DNAJA1: variants seen among roughly 807,000 people sequenced by gnomAD.
The protein encoded by DNAJA1 is DnaJ heat shock protein family (Hsp40) member A1, also known as dnaJ homolog subfamily A member 1.
Under a neutral mutation model 47.6 loss-of-function variants are expected in DNAJA1, and 26 were observed. The ratio of observed to expected loss-of-function variants is 0.55; its 90% CI spans 0.40 to 0.76. The LOEUF is 0.76. Ranked by LOEUF, DNAJA1 falls within the 30% of genes least tolerant of loss-of-function variation. DNAJA1 has a pLI of 0.00. For missense variants in DNAJA1, 315 were observed against 485.0 expected (o/e 0.65, Z 3.29); for synonymous variants, 165 against 158.4 (o/e 1.04, Z -0.31).
At chr9:33,037,427 A>C in intron 8 of DNAJA1, 1 of 191,622 alleles carries the variant, frequency 5.2e-6, no homozygotes, top group Non-Finnish European at 1.1e-5. Context: ...CACACCTATA[A>C]TCCCAGTGCT....
intron 4 of DNAJA1, 149 bp from the exon 5 acceptor site, chr9:33,030,291 T>C (rs1471643834): frequency 2.7e-6 from 2 of 735,294 alleles, no homozygotes; most frequent in Non-Finnish European, 4.4e-6. Context: ...CTCATTGGAA[T>C]GATCTCATCA....
At chr9:33,034,465 GT>G in intron 6 of DNAJA1, 135 bp downstream of exon 6, 1 of 678,650 alleles carries the variant, frequency 1.5e-6, no homozygotes, top group Non-Finnish European at 2.5e-6. Context: ...GTTAACCATT[GT>G]TCAGATCATA....
intron 6 of DNAJA1, among the ~76,000 whole-genome samples, chr9:33,035,623 C>T (rs962105764): frequency 6.6e-6 from 1 of 152,098 alleles, no homozygotes; most frequent in Non-Finnish European, 1.5e-5. Context: ...GCGCCCACCA[C>T]CACGCCCAGC....
intron 3 of DNAJA1, 148 bp from the exon 4 acceptor site, chr9:33,029,737 A>G: frequency 5.8e-6 from 3 of 519,274 alleles, no homozygotes; most frequent in Non-Finnish European, 6.6e-6. Flanking sequence ...TGATAACGTG[A>G]ACATTCTGTG....
chr9:33,036,508 G>C (rs573713668), intron 6 of DNAJA1, 66 bp from the exon 7 acceptor site: 1 of 1,035,288 alleles, frequency 9.7e-7, no homozygotes, highest in Admixed American at 2.5e-5. Context: ...CAAAAAAACA[G>C]CCTGCTTTGG....
In DNAJA1 at chr9:33,029,973, T is replaced by C. The variant is rs1247614950; in HGVS notation, c.399T>C (p.Ile133=). Residue 133 remains isoleucine (I), a synonymous_variant, in exon 4 of 9, where the codon ATT becomes ATC. Coordinates refer to ENST00000330899, the MANE Select transcript of DNAJA1 (RefSeq NM_001539.4). ...AACTGGCTCTGCAAAAGAATGTGAT[T>C]TGTGACAAATGTGAAGGTACGGTGT... ...TRKLALQKNV[I]CDKCEGRGGK... 2 of 1,613,294 alleles carry C rather than the reference T, an allele frequency of 1.2e-6. No individual in the cohort carries two copies. The highest frequency in any genetic ancestry group is 2.7e-5 in the African/African-American group (2 of 74,900).
intron 5 of DNAJA1, among the ~76,000 whole-genome samples, chr9:33,033,398 A>G (rs2119389648): frequency 1.3e-5 from 2 of 152,162 alleles, no homozygotes; most frequent in Middle Eastern, 3.4e-3. Context: ...ACTATACTGA[A>G]TAGTTCTTTA....
chr9:33,025,627 G>A (rs1343987967), intron 1 of DNAJA1, among the ~76,000 whole-genome samples: 3 of 152,124 alleles, frequency 2.0e-5, no homozygotes, highest in African/African-American at 7.2e-5. Context: ...GATCTCCAAG[G>A]AGCTACTGTC....
chr9:33,026,336 T>C, intron 1 of DNAJA1, 139 bp from the exon 2 acceptor site: 1 of 785,390 alleles, frequency 1.3e-6, no homozygotes, highest in South Asian at 1.8e-5. Context: ...ATCGCAGGAA[T>C]TGTTACCTTT....
In DNAJA1 at chr9:33,038,695, C is replaced by G. The variant is rs1230223450; in HGVS notation, c.986C>G (p.Pro329Arg). ...AAGTTTCTTTTGAAGGTAAACTTTC[C>G]TGAGAATGGCTTTCTCTCTCCTGAT... is the stretch of plus-strand genomic sequence containing the variant. ...RLIIEFKVNFPENGFLSPDKL... is the reference protein window; with the variant it reads ...RLIIEFKVNFRENGFLSPDKL... The change falls in exon 9 of 9, where the codon CCT becomes CGT. Residue 329 changes from proline to arginine, a missense_variant. By Grantham distance (103) the Pro-to-Arg change is moderately radical. Around this residue, in one of 4 missense-constraint regions of DNAJA1, gnomAD observed 162 missense variants for 185.4 expected, o/e 0.87. Transcript: ENST00000330899. 2 of 1,613,472 alleles carry G rather than the reference C, an allele frequency of 1.2e-6. No homozygotes were observed. The highest frequency in any genetic ancestry group is 1.7e-6 in the Non-Finnish European group (2 of 1,179,808).
intron 8 of DNAJA1, 189 bp downstream of exon 8, chr9:33,037,304 C>T: frequency 5.9e-6 from 2 of 338,282 alleles, no homozygotes; most frequent in South Asian, 7.1e-5. Flanking sequence ...GAAACCCTGT[C>T]TCTTTAAAAA....
chr9:33,027,900 T>C (rs1182269389), intron 3 of DNAJA1, among the ~76,000 whole-genome samples: 2 of 151,740 alleles, frequency 1.3e-5, no homozygotes, highest in African/African-American at 2.4e-5. Flanking sequence ...GGTGCGTGCC[T>C]GTAATCCCAG....
intron 5 of DNAJA1, among the ~76,000 whole-genome samples, chr9:33,031,062 A>G (rs934350031): frequency 1.3e-5 from 2 of 152,222 alleles, no homozygotes; most frequent in Non-Finnish European, 2.9e-5. Flanking sequence ...AGGATTTGAA[A>G]GGGGAGTTAG....
chr9:33,038,194 A>G (rs1331407468), intron 8 of DNAJA1, among the ~76,000 whole-genome samples: 1 of 152,040 alleles, frequency 6.6e-6, no homozygotes, highest in Admixed American at 6.6e-5. Flanking sequence ...GGGTTTCACC[A>G]TATTGGCCAG....
chr9:33,038,576 C>T, intron 8 of DNAJA1, 109 bp from the exon 9 acceptor site: 3 of 970,422 alleles, frequency 3.1e-6, no homozygotes, highest in Non-Finnish European at 4.5e-6. Flanking sequence ...TTGGCAGATT[C>T]ACCTAAATAT....
chr9:33,032,509 G>A (rs1838976196), intron 5 of DNAJA1, among the ~76,000 whole-genome samples: 1 of 152,118 alleles, frequency 6.6e-6, no homozygotes. Context: ...GAAAAAAATT[G>A]GTCTTGTTAT....
Position 33,039,190 on chromosome 9 carries a change from G to C in DNAJA1, c.*287G>C, listed in dbSNP as rs1192052048. ...CTTGTAATTGACTTCAGCTATGTAC[G>C]TGGACAAGCTTAGACTGAAATGCTA... is the stretch of plus-strand genomic sequence containing the variant. On this transcript the variant is annotated 3_prime_UTR_variant, in exon 9 of 9. Coordinates refer to ENST00000330899, the MANE Select transcript of DNAJA1 (RefSeq NM_001539.4). The C allele has an allele frequency of 5.0e-6, 2 of 397,450 alleles. No homozygotes were observed. Among genetic ancestry groups the C allele is most frequent in the South Asian group, 2.5e-5 (1 of 39,828 alleles). 24.6% of individuals were successfully genotyped at this position (397,450 alleles called of 1,614,324 possible).
Position 33,026,859 on chromosome 9 carries a change from A to G in DNAJA1, c.179A>G (p.Lys60Arg). The G allele has an allele frequency of 1.9e-6, 3 of 1,614,194 alleles. No homozygotes were observed. Among genetic ancestry groups the G allele is most frequent in the Non-Finnish European group, 2.5e-6 (3 of 1,180,026 alleles). Residue 60 changes from lysine to arginine, a missense_variant, in exon 3 of 9, where the codon AAA becomes AGA. Physicochemically the swap from Lys to Arg is conservative, Grantham distance 26. Transcript: ENST00000330899. ...QAYEVLSDAKKRELYDKGGEQ... is the reference protein window; with the variant it reads ...QAYEVLSDAKRRELYDKGGEQ... Reference sequence around the variant, plus strand: ...TACGAAGTTCTCTCTGATGCAAAGAAAAGGGAATTATATGACAAAGGAGGA... The same window carrying G: ...TACGAAGTTCTCTCTGATGCAAAGAGAAGGGAATTATATGACAAAGGAGGA...
At chr9:33,025,659 G>A (rs1838804718) in intron 1 of DNAJA1, among the ~76,000 whole-genome samples, 1 of 151,694 alleles carries the variant, frequency 6.6e-6, no homozygotes, top group South Asian at 2.1e-4. Flanking sequence ...CTCCGTGCGC[G>A]CCCCCGCGGC....
Sources: gnomAD v4.1 joint callset for allele counts (sites outside exome capture counted in the v4.1 genomes callset) on GRCh38, gnomAD v4.1.1 for gene constraint, gnomAD v4.1.1 regional missense constraint, MANE v1.5 for transcripts, NCBI Gene and HGNC (gene_info 2026-07-23, HGNC 2026-07-21) for gene names.